SORCS2: variants seen among roughly 807,000 people sequenced by gnomAD.
SORCS2 encodes sortilin related VPS10 domain containing receptor 2.
Under a neutral mutation model 141.6 loss-of-function variants are expected in SORCS2, and 100 were observed. The ratio of observed to expected loss-of-function variants is 0.71; its 90% CI spans 0.60 to 0.83. The LOEUF (loss-of-function observed/expected upper bound fraction) is 0.83. SORCS2 is among the 40% of genes least tolerant of loss of function. The pLI is 0.00. For missense variants in SORCS2, 1,646 were observed against 1,560.2 expected, an observed-to-expected ratio of 1.05 and a Z score of -0.93; for synonymous variants, 789 against 676.9, an observed-to-expected ratio of 1.17 and a Z score of -2.57.
At chr4:7,362,703 A>T (rs1284749380) in intron 1 of SORCS2, among the ~76,000 whole-genome samples, 1 of 150,538 alleles carries the variant, frequency 6.6e-6, no homozygotes, top group Non-Finnish European at 1.5e-5. Flanking sequence ...CTCCACCATC[A>T]CTACCACCAT....
intron 13 of SORCS2, among the ~76,000 whole-genome samples, 189 bp downstream of exon 13, chr4:7,703,560 G>C (rs769441965): frequency 1.3e-5 from 2 of 152,222 alleles, no homozygotes; most frequent in Non-Finnish European, 2.9e-5. Flanking sequence ...GGGTCGTGGA[G>C]ATGGACTTCG....
At chr4:7,354,342 G>A (rs1721122938) in intron 1 of SORCS2, among the ~76,000 whole-genome samples, 1 of 152,000 alleles carries the variant, frequency 6.6e-6, no homozygotes, top group South Asian at 2.1e-4. Flanking sequence ...CGGCTCCCAG[G>A]TCCAGAGCCT....
At chr4:7,304,205 C>T (rs1165714967) in intron 1 of SORCS2, among the ~76,000 whole-genome samples, 1 of 152,226 alleles carries the variant, frequency 6.6e-6, no homozygotes, top group East Asian at 1.9e-4. Context: ...TATGTTCTTG[C>T]CTGGGGGTCG....
intron 3 of SORCS2, among the ~76,000 whole-genome samples, chr4:7,561,220 T>A (rs1714522435): frequency 6.6e-6 from 1 of 152,126 alleles, no homozygotes; most frequent in Non-Finnish European, 1.5e-5. Flanking sequence ...TAATTTGTCA[T>A]ACAGGGCTAC....
chr4:7,264,868 C>G (rs1384321288), intron 1 of SORCS2, among the ~76,000 whole-genome samples: 3 of 152,238 alleles, frequency 2.0e-5, no homozygotes, highest in Non-Finnish European at 4.4e-5. Context: ...CCGGCGATGT[C>G]CAGTCCTGCC....
chr4:7,400,736 T>C (rs781069556), intron 2 of SORCS2, among the ~76,000 whole-genome samples: 1 of 151,826 alleles, frequency 6.6e-6, no homozygotes, highest in Non-Finnish European at 1.5e-5. Flanking sequence ...GATGGACAGA[T>C]GGATGAATGG....
Position 7,201,711 on chromosome 4 carries a change from A to G in SORCS2, c.480+8585A>G, listed in dbSNP as rs1479073534. The stretch of plus-strand genomic sequence containing the variant: ...TCTTTCTTTTTTCAGACTCCAAAGG[A>G]TGAGTTATTTATAGGTTCTTACGAA... On this transcript the variant is annotated intron_variant, in intron 1 of 26. Transcript: ENST00000507866. The surrounding 1 kb of genome is among the most constrained non-coding windows in gnomAD (Gnocchi z 4.4). 6.6e-6 allele frequency among the ~76,000 whole-genome samples: 1 copy of G among 151,854 alleles called. No individual in the cohort carries two copies. The highest frequency in any genetic ancestry group is 2.4e-5 in the African/African-American group (1 of 41,346).
chr4:7,453,665 T>C (rs1728653349), intron 2 of SORCS2, among the ~76,000 whole-genome samples: 1 of 129,694 alleles, frequency 7.7e-6, no homozygotes, highest in Non-Finnish European at 1.6e-5. Flanking sequence ...TCAGGAGCTG[T>C]GTGTTGGGTT....
chr4:7,548,450 G>A (rs1286926847), intron 3 of SORCS2, among the ~76,000 whole-genome samples: 2 of 152,158 alleles, frequency 1.3e-5, no homozygotes, highest in Non-Finnish European at 2.9e-5. Flanking sequence ...TGTACTAAGT[G>A]CCCGCTGGAA....
At chr4:7,674,158 C>T (rs530903758) in intron 8 of SORCS2, among the ~76,000 whole-genome samples, 25 of 152,026 alleles carry the variant, frequency 1.6e-4, no homozygotes, top group Non-Finnish European at 2.9e-4. Flanking sequence ...GCCCCATCAT[C>T]CTTCCCTGGT....
intron 2 of SORCS2, among the ~76,000 whole-genome samples, chr4:7,426,211 G>T (rs189539033): frequency 7.2e-5 from 11 of 152,338 alleles, no homozygotes; most frequent in South Asian, 2.1e-4. Context: ...TTTACCTTGT[G>T]GGGGGAAGCC....
chr4:7,326,690 T>C (rs1451253706), intron 1 of SORCS2, among the ~76,000 whole-genome samples: 2 of 152,198 alleles, frequency 1.3e-5, no homozygotes, highest in African/African-American at 4.8e-5. Context: ...CGCCAGGGCA[T>C]GATGTCCTTT....
intron 1 of SORCS2, among the ~76,000 whole-genome samples, chr4:7,244,427 G>A (rs1159607700): frequency 2.0e-5 from 3 of 152,256 alleles, no homozygotes; most frequent in Non-Finnish European, 2.9e-5. Context: ...AGGAGTGGAC[G>A]GCGTTCCATC....
At chr4:7,459,279 C>A (rs543133354) in intron 2 of SORCS2, among the ~76,000 whole-genome samples, 1 of 152,166 alleles carries the variant, frequency 6.6e-6, no homozygotes, top group South Asian at 2.1e-4. Context: ...CTTTGCACCC[C>A]TAAGTATTGC....
intron 1 of SORCS2, among the ~76,000 whole-genome samples, chr4:7,366,319 C>T (rs557536959): frequency 6.6e-6 from 1 of 152,152 alleles, no homozygotes; most frequent in East Asian, 1.9e-4. Context: ...TCCACCTGGC[C>T]TTGCGGTGAG....
At chr4:7,333,509 G>A (rs1281258321) in intron 1 of SORCS2, among the ~76,000 whole-genome samples, 3 of 152,260 alleles carry the variant, frequency 2.0e-5, no homozygotes, top group South Asian at 2.1e-4. Flanking sequence ...GGGCTCACTC[G>A]GGGGACTTTC....
intron 1 of SORCS2, among the ~76,000 whole-genome samples, chr4:7,253,743 C>G (rs911682682): frequency 6.6e-6 from 1 of 152,198 alleles, no homozygotes; most frequent in Non-Finnish European, 1.5e-5. Context: ...GGCAAGGCAG[C>G]CCCTCCAGGT....
chr4:7,209,400 T>C (rs1222094944), intron 1 of SORCS2, among the ~76,000 whole-genome samples: 1 of 152,208 alleles, frequency 6.6e-6, no homozygotes, highest in African/African-American at 2.4e-5. Context: ...ACTTGTGGCC[T>C]CTGGGGTGGG....
intron 2 of SORCS2, among the ~76,000 whole-genome samples, chr4:7,448,255 C>T (rs899313465): frequency 8.5e-5 from 13 of 152,186 alleles, no homozygotes; most frequent in Middle Eastern, 3.4e-3. Flanking sequence ...GGAACTGCGG[C>T]GCAGGGCAAG....
Sources: gnomAD v4.1 joint callset for allele counts (sites outside exome capture counted in the v4.1 genomes callset) on GRCh38, gnomAD v4.1.1 for gene constraint, Gnocchi (gnomAD v3.1) non-coding constraint, MANE v1.5 for transcripts, NCBI Gene and HGNC (gene_info 2026-07-23, HGNC 2026-07-21) for gene names.